Variants in SLX4 observed in about 807,000 individuals in gnomAD.
SLX4 encodes structure-specific endonuclease subunit SLX4.
In SLX4, 112 loss-of-function variants were observed where a neutral mutation model predicts 146.2. The observed-to-expected ratio is 0.77, with a 90% CI of 0.66 to 0.90. The LOEUF (loss-of-function observed/expected upper bound fraction) is 0.90. SLX4 is among the 40% of genes least tolerant of loss of function. The probability of loss-of-function intolerance (pLI) is 0.00; values close to 1 mark genes in which losing one functional copy is unlikely to be tolerated. For synonymous variants in SLX4, 1,061 were observed against 997.7 expected (o/e 1.06, Z -1.20); for missense variants, 2,563 against 2,392.7 (o/e 1.07, Z -1.49).
Position 3,596,292 on chromosome 16 carries a change from A to G in SLX4, c.1785T>C (p.Cys595=). 1 of 1,572,800 alleles carries G rather than the reference A, an allele frequency of 6.4e-7. No individual in the cohort carries two copies. Among genetic ancestry groups the G allele is most frequent in the Non-Finnish European group, 8.6e-7 (1 of 1,159,638 alleles). ...CCGAAGGCGACGGGCCCCTGGAGCC[A>G]CAGCCTGCAGTGGGGGTGCCGTGGA... ...PALHGTPTAG[C]GSRGPSPSAS... Residue 595 remains cysteine, a synonymous_variant, in exon 8 of 15, where the codon TGT becomes TGC. Coordinates refer to ENST00000294008, the MANE Select transcript of SLX4 (RefSeq NM_032444.4).
At chr16:3,611,466 C>A (rs1430242222) in intron 1 of SLX4, 94 bp downstream of exon 1, 1 of 152,270 alleles carries the variant, frequency 6.6e-6, no homozygotes, top group Admixed American at 6.5e-5. Context: ...GCGAGAAAGG[C>A]TCTTCTCCCT....
At chr16:3,595,166 A>G (rs2040636665) in intron 9 of SLX4, among the ~76,000 whole-genome samples, 1 of 152,208 alleles carries the variant, frequency 6.6e-6, no homozygotes, top group South Asian at 2.1e-4. Flanking sequence ...AGGCCAGGCC[A>G]GGCTGCTCAG....
chr16:3,600,602 T>A, intron 5 of SLX4: 3 of 130,752 alleles, frequency 2.3e-5, no homozygotes, highest in South Asian at 5.5e-4. Flanking sequence ...TTTTTTTTTT[T>A]TTTTTTTTTT....
chr16:3,591,317 C>T lies in SLX4; in HGVS notation c.2328-7G>A, dbSNP rs761644117. The T allele has an allele frequency of 7.5e-6, 12 of 1,609,720 alleles. No individual in the cohort carries two copies. The East Asian group carries it at 2.7e-4, about 36-fold the overall frequency. ...GAGCTCACTCACGCCAAACCTGCAA[C>T]ACGAAACATCGACAGTCATCGCCCC... is the stretch of plus-strand genomic sequence containing the variant. On this transcript the variant is annotated splice_region_variant and splice_polypyrimidine_tract_variant and intron_variant, in intron 11 of 14. Coordinates refer to ENST00000294008, the MANE Select transcript of SLX4 (RefSeq NM_032444.4).
chr16:3,609,176 G>T lies in SLX4; in HGVS notation c.-212C>A. The T allele has an allele frequency of 1.9e-6, 1 of 528,880 alleles. No individual in the cohort carries two copies. The highest frequency in any genetic ancestry group is 3.4e-6 in the Non-Finnish European group (1 of 295,998). 32.8% of individuals were successfully genotyped at this position (528,880 alleles called of 1,614,324 possible). ...CCCAGCTCTTTTGGAGGACGAGGCG[G>T]GGGGTGGATCACCTGAGGTCAGAAG... On this transcript the variant is annotated 5_prime_UTR_variant, in exon 2 of 15. Coordinates refer to ENST00000294008, the MANE Select transcript of SLX4 (RefSeq NM_032444.4).
Position 3,609,204 on chromosome 16 carries a change from C to A in SLX4, c.-240G>T. On this transcript the variant is annotated 5_prime_UTR_variant, in exon 2 of 15. Transcript: ENST00000294008. ...GGTGGATCACCTGAGGTCAGAAGTT[C>A]GAGACCAGCCTGGCCAATATGGTGA... is the stretch of plus-strand genomic sequence containing the variant. 1 of 461,862 alleles carries A rather than the reference C, an allele frequency of 2.2e-6. No homozygotes were observed. Among genetic ancestry groups the A allele is most frequent in the South Asian group, 2.2e-5 (1 of 44,766 alleles). The allele number at this position is 461,862 out of a possible 1,614,324, so 28.6% of individuals were successfully genotyped here. A position where few individuals can be genotyped will look rare whatever the true frequency, so the allele number is the denominator to read the frequency against.
rs748138902 is a variant in SLX4 at position 3,597,913 on chromosome 16, G to A, written c.1250C>T (p.Pro417Leu). Residue 417 changes from proline to leucine, a missense_variant, in exon 6 of 15, where the codon CCG becomes CTG. Pro to Leu is a moderately conservative substitution (Grantham distance 98). Transcript: ENST00000294008. This position sits in a 1 kb window ranked among gnomAD's most constrained non-coding sequence, Gnocchi z 4.4. Reference sequence around the variant, plus strand: ...CATGGCCACCAGCAGGTCCTCGGACGGTGCCTCGTCCACCTTCCGCCTCTT... The same window carrying A: ...CATGGCCACCAGCAGGTCCTCGGACAGTGCCTCGTCCACCTTCCGCCTCTT... Reference protein sequence around the residue: ...PRKRRKVDEAPSEDLLVAMAL... With the variant: ...PRKRRKVDEALSEDLLVAMAL... 4.3e-6 allele frequency: 7 copies of A among 1,613,998 alleles called. No individual in the cohort carries two copies. In the South Asian group the frequency reaches 4.4e-5, roughly 10 times the overall value.
In SLX4 at chr16:3,583,757, C is replaced by A. The variant is rs1336427434; in HGVS notation, c.4740-247G>T. Reference sequence around the variant, plus strand: ...ATGGCTCACGCCTACAATCCCAGCACTTTGGGAGGCTGAGGCAGGAGGACA... The same window carrying A: ...ATGGCTCACGCCTACAATCCCAGCAATTTGGGAGGCTGAGGCAGGAGGACA... On this transcript the variant is annotated intron_variant, in intron 13 of 14. Coordinates refer to ENST00000294008, the MANE Select transcript of SLX4 (RefSeq NM_032444.4). Among the ~76,000 whole-genome samples, 3 of 151,724 alleles carry A rather than the reference C, an allele frequency of 2.0e-5. No homozygotes were observed. In the East Asian group the frequency reaches 5.9e-4, roughly 30 times the overall value.
intron 14 of SLX4, 79 bp downstream of exon 14, chr16:3,583,018 G>C (rs888649829): frequency 3.9e-6 from 6 of 1,546,042 alleles, no homozygotes; most frequent in Non-Finnish European, 5.4e-6. Flanking sequence ...TGGCCATTAG[G>C]TCTCACTCGT....
At chr16:3,595,168 GCT>G (rs1451771505) in intron 9 of SLX4, among the ~76,000 whole-genome samples, 1 of 152,232 alleles carries the variant, frequency 6.6e-6, no homozygotes. Context: ...GCCAGGCCAG[GCT>G]GCTCAGCTGT....
intron 5 of SLX4, among the ~76,000 whole-genome samples, chr16:3,599,023 C>G (rs1325920989): frequency 1.3e-5 from 2 of 152,210 alleles, no homozygotes; most frequent in African/African-American, 4.8e-5. Flanking sequence ...TGACAACCTT[C>G]TAAACGGATC....
intron 3 of SLX4, among the ~76,000 whole-genome samples, chr16:3,605,724 G>A (rs1241212012): frequency 1.3e-5 from 2 of 151,616 alleles, no homozygotes; most frequent in African/African-American, 2.4e-5. Flanking sequence ...AAGGCGGGTG[G>A]ATCACGAGGT....
chr16:3,600,972 G>T lies in SLX4; in HGVS notation c.1163+7C>A. On this transcript the variant is annotated splice_region_variant and intron_variant, in intron 5 of 14. Coordinates refer to ENST00000294008, the MANE Select transcript of SLX4 (RefSeq NM_032444.4). ...TGGCTTGGTTTTCTTCCTTTTCGTC[G>T]ACTTACCTGAACATGGGTGGGCTGC... 6.2e-7 allele frequency: 1 copy of T among 1,612,956 alleles called. No individual in the cohort carries two copies. The highest frequency in any genetic ancestry group is 1.1e-5 in the South Asian group (1 of 90,952).
intron 1 of SLX4, among the ~76,000 whole-genome samples, chr16:3,609,907 C>A (rs572868172): frequency 6.6e-6 from 1 of 152,258 alleles, no homozygotes; most frequent in Non-Finnish European, 1.5e-5. Flanking sequence ...ATCTCCTACA[C>A]TGATCTAAGA....
intron 2 of SLX4, among the ~76,000 whole-genome samples, chr16:3,607,587 G>C (rs939374145): frequency 6.6e-6 from 1 of 152,184 alleles, no homozygotes; most frequent in Non-Finnish European, 1.5e-5. Flanking sequence ...GGGAGGCTGA[G>C]GCAGGGAGGA....
Position 3,589,411 on chromosome 16 carries a change from G to C in SLX4, c.4227C>G (p.Ala1409=), listed in dbSNP as rs1183410287. The C allele has an allele frequency of 1.2e-6, 2 of 1,601,856 alleles. No homozygotes were observed. Among genetic ancestry groups the C allele is most frequent in the African/African-American group, 2.7e-5 (2 of 74,728 alleles). The change falls in exon 12 of 15, where the codon GCC becomes GCG. Residue 1409 remains alanine (A), a synonymous_variant. Transcript: ENST00000294008. This position sits in a 1 kb window ranked among gnomAD's most constrained non-coding sequence, Gnocchi z 6.2. ...DDEQEVASHQ[A]NRSPPLDSDP... is the part of the protein sequence containing the mutation. ...CACTGTCCAGTGGGGGGCTTCTGTTGGCCTGATGGGAGGCCACCTCCTGCT... is the reference window on the plus strand; with the variant it reads ...CACTGTCCAGTGGGGGGCTTCTGTTCGCCTGATGGGAGGCCACCTCCTGCT...
rs2151120967 is a variant in SLX4, at chr16:3,589,089, C to G, written c.4549G>C (p.Glu1517Gln). ...GGGGTCTCTGGAGGCCTCTGCTCTT[C>G]CCCGTCCCAAACGTCCCACAGAGCC... ...NSALWDVWDG[E>Q]EQRPPETPPP... Residue 1517 changes from glutamate (E) to glutamine (Q), a missense_variant, in exon 12 of 15, where the codon GAA becomes CAA. Coordinates refer to ENST00000294008, the MANE Select transcript of SLX4 (RefSeq NM_032444.4). The surrounding 1 kb of genome is among the most constrained non-coding windows in gnomAD (Gnocchi z 6.2). 1 of 1,614,118 alleles carries G rather than the reference C, an allele frequency of 6.2e-7. No individual in the cohort carries two copies. Among genetic ancestry groups the G allele is most frequent in the Non-Finnish European group, 8.5e-7 (1 of 1,180,050 alleles).
Position 3,596,394 on chromosome 16 carries a change from C to T in SLX4, c.1684-1G>A, listed in dbSNP as rs1294650594. The T allele has an allele frequency of 8.8e-6, 14 of 1,590,034 alleles. No individual in the cohort carries two copies. The highest frequency in any genetic ancestry group is 1.2e-5 in the Non-Finnish European group (14 of 1,165,686). On this transcript the variant is annotated splice_acceptor_variant, in intron 7 of 14. Transcript: ENST00000294008. LOFTEE classifies it high-confidence loss of function. Reference sequence around the variant, plus strand: ...GCGGCACGGGCTCCTGCATAAGGCCCTGAAAGAAGCCAGTAAGGAGAGTGA... The same window carrying T: ...GCGGCACGGGCTCCTGCATAAGGCCTTGAAAGAAGCCAGTAAGGAGAGTGA...
chr16:3,596,008 G>T, intron 8 of SLX4, 145 bp downstream of exon 8: 10 of 1,285,534 alleles, frequency 7.8e-6, no homozygotes, highest in Non-Finnish European at 1.0e-5. Flanking sequence ...GAGAAAAAAT[G>T]AAAGCGCCCA....
Sources: gnomAD v4.1 joint callset for allele counts (sites outside exome capture counted in the v4.1 genomes callset) on GRCh38, gnomAD v4.1.1 for gene constraint, Gnocchi (gnomAD v3.1) non-coding constraint, MANE v1.5 for transcripts, NCBI Gene and HGNC (gene_info 2026-07-23, HGNC 2026-07-21) for gene names.